The following CTNND2 variants were observed in gnomAD, a reference collection of about 807,000 sequenced individuals.
CTNND2 encodes the protein catenin delta 2, also known as catenin delta-2.
A neutral mutation model predicts 144.4 loss-of-function variants in CTNND2; 22 were observed. The ratio of observed to expected loss-of-function variants is 0.15; its 90% CI spans 0.11 to 0.22. CTNND2 has a LOEUF of 0.22. Ranked by LOEUF, CTNND2 falls within the 10% of genes least tolerant of loss-of-function variation. The probability of loss-of-function intolerance (pLI) is 1.00; values close to 1 mark genes in which losing one functional copy is unlikely to be tolerated. For missense variants in CTNND2, 1,353 were observed against 1,618.8 expected (o/e 0.84, Z 2.82); for synonymous variants, 751 against 695.6 (o/e 1.08, Z -1.25).
chr5:11,642,677 T>C (rs1782130112), intron 2 of CTNND2, among the ~76,000 whole-genome samples: 1 of 152,192 alleles, frequency 6.6e-6, no homozygotes, highest in African/African-American at 2.4e-5. Context: ...GGGCCACAGA[T>C]CCTGGGCACA....
chr5:11,502,897 C>T (rs1251432211), intron 3 of CTNND2, among the ~76,000 whole-genome samples: 1 of 152,044 alleles, frequency 6.6e-6, no homozygotes. Flanking sequence ...TATGAGAATA[C>T]AATTAATGGA....
At chr5:11,088,943 C>T (rs1459933008) in intron 15 of CTNND2, among the ~76,000 whole-genome samples, 1 of 152,158 alleles carries the variant, frequency 6.6e-6, no homozygotes, top group Non-Finnish European at 1.5e-5. Context: ...GTACTAGAGG[C>T]TAGGAGCTGA....
intron 9 of CTNND2, among the ~76,000 whole-genome samples, chr5:11,340,876 T>C (rs2149730674): frequency 6.6e-6 from 1 of 152,338 alleles, no homozygotes; most frequent in East Asian, 1.9e-4. Flanking sequence ...GATTTTGGGA[T>C]GATTAAATTA....
rs1017311281 is a variant in CTNND2 at position 11,903,368 on chromosome 5, C to G, written c.37+449G>C. 1 of 995,340 alleles carries G rather than the reference C, an allele frequency of 1.0e-6. No individual in the cohort carries two copies. Among genetic ancestry groups the G allele is most frequent in the African/African-American group, 1.7e-5 (1 of 57,536 alleles). The allele number at this position is 995,340 out of a possible 1,614,324, so 61.7% of individuals were successfully genotyped here. A position where few individuals can be genotyped will look rare whatever the true frequency, so the allele number is the denominator to read the frequency against. On this transcript the variant is annotated intron_variant, in intron 1 of 21. Coordinates refer to ENST00000304623, the MANE Select transcript of CTNND2 (RefSeq NM_001332.4). The surrounding 1 kb of genome is among the most constrained non-coding windows in gnomAD (Gnocchi z 5.4). ...TATGACTAAGTCTTTCCATTTTGTT[C>G]TAGCCAAACATCGTAATGACATTGA...
At chr5:11,154,331 T>G (rs1291787491) in intron 12 of CTNND2, among the ~76,000 whole-genome samples, 3 of 152,216 alleles carry the variant, frequency 2.0e-5, no homozygotes, top group Admixed American at 6.5e-5. Context: ...CCTCATTTCA[T>G]GGCCATCCAG....
At chr5:11,189,252 A>G (rs982749464) in intron 11 of CTNND2, among the ~76,000 whole-genome samples, 5 of 152,234 alleles carry the variant, frequency 3.3e-5, no homozygotes, top group Admixed American at 2.6e-4. Context: ...GAAGAAAGCC[A>G]TATCATAAGG....
chr5:11,445,569 C>G (rs148969486), intron 3 of CTNND2, among the ~76,000 whole-genome samples: 2 of 152,256 alleles, frequency 1.3e-5, no homozygotes, highest in African/African-American at 4.8e-5. Flanking sequence ...ACCAGCTCTG[C>G]GTGCTTCTCC....
chr5:11,305,328 T>C (rs1038239082), intron 9 of CTNND2, among the ~76,000 whole-genome samples: 1 of 152,192 alleles, frequency 6.6e-6, no homozygotes, highest in African/African-American at 2.4e-5. Context: ...CTCCCAATCC[T>C]GGCTTCTAAC....
At chr5:11,619,624 T>C (rs917950966) in intron 2 of CTNND2, among the ~76,000 whole-genome samples, 6 of 152,332 alleles carry the variant, frequency 3.9e-5, no homozygotes, top group Admixed American at 3.9e-4. Flanking sequence ...TTTAAATTTC[T>C]GAACTTGTTT....
intron 2 of CTNND2, among the ~76,000 whole-genome samples, chr5:11,573,018 A>C (rs1777692135): frequency 6.6e-6 from 1 of 151,972 alleles, no homozygotes; most frequent in Non-Finnish European, 1.5e-5. Context: ...CAAGGTACAG[A>C]ACTGTGGTTT....
chr5:11,074,529 T>C (rs1748706290), intron 16 of CTNND2, among the ~76,000 whole-genome samples: 1 of 152,218 alleles, frequency 6.6e-6, no homozygotes, highest in Non-Finnish European at 1.5e-5. Context: ...CTCTCATCAT[T>C]GAGGGTTTGG....
chr5:11,584,981 A>C (rs182484050), intron 2 of CTNND2, among the ~76,000 whole-genome samples: 13 of 152,338 alleles, frequency 8.5e-5, no homozygotes, highest in African/African-American at 3.1e-4. Context: ...CTGTGTTGAA[A>C]ACATACTTTG....
chr5:11,091,368 C>A (rs1340203808), intron 15 of CTNND2, among the ~76,000 whole-genome samples: 1 of 152,134 alleles, frequency 6.6e-6, no homozygotes, highest in Non-Finnish European at 1.5e-5. Flanking sequence ...CCATGTGTAA[C>A]TTTTAAAATG....
chr5:11,626,475 A>G (rs570278931), intron 2 of CTNND2, among the ~76,000 whole-genome samples: 6 of 152,374 alleles, frequency 3.9e-5, no homozygotes, highest in African/African-American at 1.4e-4. Context: ...TTAGGAATGT[A>G]CACATTGCTA....
At position 11,077,933 on chromosome 5, in the gene CTNND2, TCA is replaced by T. The variant is rs779120962; in HGVS notation, c.2788+4761_2788+4762del. 0.035 allele frequency among the ~76,000 whole-genome samples: 5,258 copies of T among 152,208 alleles called. 409 individuals carry two copies. In the East Asian group the frequency reaches 0.37, roughly 11 times the overall value. ...CCCAGGTCTCTGCAAGAATAACTGG[TCA>T]TTTTCTGGGGGAATACTATGGAAGG... On this transcript the variant is annotated intron_variant, in intron 16 of 21. Coordinates refer to ENST00000304623, the MANE Select transcript of CTNND2 (RefSeq NM_001332.4).
chr5:11,158,809 C>T (rs1758474653), intron 12 of CTNND2, among the ~76,000 whole-genome samples: 1 of 152,156 alleles, frequency 6.6e-6, no homozygotes, highest in South Asian at 2.1e-4. Context: ...TTTTCAATCA[C>T]CCCTTTTGCC....
At chr5:11,568,876 A>C (rs1388618795) in intron 2 of CTNND2, among the ~76,000 whole-genome samples, 1 of 152,222 alleles carries the variant, frequency 6.6e-6, no homozygotes, top group Non-Finnish European at 1.5e-5. Context: ...ACAAGAAGTT[A>C]ACTGGAAAAT....
chr5:11,385,517 C>A (rs1414347113), intron 6 of CTNND2, among the ~76,000 whole-genome samples: 1 of 152,170 alleles, frequency 6.6e-6, no homozygotes, highest in Non-Finnish European at 1.5e-5. Context: ...TCGGAAATAG[C>A]AGAAGCATCG....
chr5:11,558,341 C>CGTGTGTGTGTGTGT (rs59741742), intron 3 of CTNND2, among the ~76,000 whole-genome samples: 24 of 132,120 alleles, frequency 1.8e-4, no homozygotes, highest in South Asian at 1.1e-3. Context: ...GTGAGAAACA[C>CGTGTGTGTGTGTGT]GTGTGTGTGT....
Sources: gnomAD v4.1 joint callset for allele counts (sites outside exome capture counted in the v4.1 genomes callset) on GRCh38, gnomAD v4.1.1 for gene constraint, Gnocchi (gnomAD v3.1) non-coding constraint, MANE v1.5 for transcripts, NCBI Gene and HGNC (gene_info 2026-07-23, HGNC 2026-07-21) for gene names.